Variants in ASTN2 observed in about 807,000 individuals in gnomAD.
The protein encoded by ASTN2 is astrotactin-2.
In ASTN2, 54 loss-of-function variants were observed where a neutral mutation model predicts 139.8. The ratio of observed to expected loss-of-function variants is 0.39; its 90% CI spans 0.31 to 0.48. The LOEUF is 0.48. Among genes scored for constraint, ASTN2 ranks in the 20% least tolerant of loss-of-function variants. The pLI is 0.95. For missense variants in ASTN2, 1,565 were observed against 1,725.1 expected (o/e 0.91, Z 1.64); for synonymous variants, 756 against 719.5 (o/e 1.05, Z -0.81).
intron 1 of ASTN2, among the ~76,000 whole-genome samples, chr9:117,325,173 C>T (rs1397201256): frequency 1.3e-5 from 2 of 152,148 alleles, no homozygotes; most frequent in African/African-American, 2.4e-5. Flanking sequence ...AGACTTTTCA[C>T]CCTGAGCCCT....
intron 13 of ASTN2, among the ~76,000 whole-genome samples, chr9:116,803,506 A>G (rs1588306094): frequency 1.3e-4 from 1 of 7,908 alleles, no homozygotes; most frequent in Admixed American, 2.3e-3. Context: ...ATATATATAT[A>G]TATATATATA....
chr9:116,442,796 T>C (rs1040131305), intron 20 of ASTN2, among the ~76,000 whole-genome samples: 4 of 152,246 alleles, frequency 2.6e-5, no homozygotes, highest in Non-Finnish European at 5.9e-5. Flanking sequence ...TTAGATTGTG[T>C]ATCTTTCCAC....
At chr9:116,511,872 C>T (rs141682213) in intron 19 of ASTN2, among the ~76,000 whole-genome samples, 4,550 of 151,922 alleles carry the variant, frequency 0.03, 104 homozygotes, top group Non-Finnish European at 0.046. Context: ...TTTTTTATTG[C>T]GTCTATTTGA....
chr9:116,640,361 A>G (rs2131890583), intron 17 of ASTN2, among the ~76,000 whole-genome samples: 1 of 152,346 alleles, frequency 6.6e-6, no homozygotes, highest in East Asian at 1.9e-4. Context: ...TCAAAAAATA[A>G]AAGTATAATT....
intron 20 of ASTN2, among the ~76,000 whole-genome samples, chr9:116,449,327 G>T (rs2118912857): frequency 6.6e-6 from 1 of 152,268 alleles, no homozygotes; most frequent in African/African-American, 2.4e-5. Flanking sequence ...GATCATTTGA[G>T]CCTGGGAGAT....
At chr9:116,887,423 A>T (rs1237731891) in intron 10 of ASTN2, among the ~76,000 whole-genome samples, 1 of 151,606 alleles carries the variant, frequency 6.6e-6, no homozygotes, top group Admixed American at 6.6e-5. Flanking sequence ...CAGAGGGAGA[A>T]AGGGAATTCT....
At chr9:117,125,771 C>T (rs1829670395) in intron 4 of ASTN2, among the ~76,000 whole-genome samples, 1 of 151,352 alleles carries the variant, frequency 6.6e-6, no homozygotes, top group Non-Finnish European at 1.5e-5. Context: ...ATCAGCAGAA[C>T]TGTCAGGCGG....
chr9:117,249,078 C>A (rs1183730111), intron 2 of ASTN2, among the ~76,000 whole-genome samples: 1 of 152,204 alleles, frequency 6.6e-6, no homozygotes, highest in East Asian at 1.9e-4. Flanking sequence ...AACACCTGTT[C>A]TCCTGAGCAA....
chr9:116,987,456 A>ACT (rs1171801771), intron 7 of ASTN2, among the ~76,000 whole-genome samples: 1 of 150,372 alleles, frequency 6.7e-6, no homozygotes, highest in African/African-American at 2.5e-5. Context: ...GGCCCCCTTC[A>ACT]CTCTCTCTCT....
intron 19 of ASTN2, among the ~76,000 whole-genome samples, chr9:116,574,840 T>C (rs538674882): frequency 7.2e-5 from 11 of 152,212 alleles, no homozygotes; most frequent in Non-Finnish European, 1.3e-4. Context: ...GTTATTCCTT[T>C]GCACATTAAA....
Position 116,620,219 on chromosome 9 carries a change from A to T in ASTN2, c.3206+91T>A, listed in dbSNP as rs534371270. 3.4e-5 allele frequency: 53 copies of T among 1,581,540 alleles called. No individual in the cohort carries two copies. The South Asian group carries it at 5.9e-4, about 18-fold the overall frequency. On this transcript the variant is annotated intron_variant, in intron 18 of 22. Coordinates refer to ENST00000313400, the MANE Select transcript of ASTN2 (RefSeq NM_001365068.1). ...TGAGGATCTTGTTAGGCACCTTGGG[A>T]GCAGAAGCAAGTCATGGCATGGGCT...
At chr9:116,801,602 A>G (rs1830858725) in intron 13 of ASTN2, among the ~76,000 whole-genome samples, 2 of 149,552 alleles carry the variant, frequency 1.3e-5, no homozygotes, top group African/African-American at 4.9e-5. Flanking sequence ...AAAAAAAAAA[A>G]AAAAAAAAAA....
chr9:117,403,480 G>T (rs1382750440), intron 1 of ASTN2, among the ~76,000 whole-genome samples: 2 of 152,110 alleles, frequency 1.3e-5, no homozygotes, highest in African/African-American at 4.8e-5. Flanking sequence ...CTAATTTGGT[G>T]CTATCTCCCA....
intron 17 of ASTN2, among the ~76,000 whole-genome samples, chr9:116,622,822 C>T (rs1489294809): frequency 1.3e-5 from 2 of 152,230 alleles, no homozygotes; most frequent in African/African-American, 4.8e-5. Flanking sequence ...AGTAAGAGCA[C>T]TGTTCCTCCT....
intron 4 of ASTN2, among the ~76,000 whole-genome samples, chr9:117,119,465 C>G (rs377248786): frequency 1.3e-5 from 2 of 152,088 alleles, no homozygotes; most frequent in Admixed American, 6.6e-5. Context: ...TAGGGTGTGG[C>G]CTCCTGATGT....
intron 17 of ASTN2, among the ~76,000 whole-genome samples, chr9:116,641,838 C>T (rs1167067744): frequency 6.6e-6 from 1 of 152,026 alleles, no homozygotes; most frequent in Non-Finnish European, 1.5e-5. Context: ...TGGATTACTT[C>T]TCCCTCTTTT....
At chr9:117,183,736 C>CT (rs972408518) in intron 3 of ASTN2, among the ~76,000 whole-genome samples, 58 of 152,210 alleles carry the variant, frequency 3.8e-4, no homozygotes, top group Admixed American at 3.5e-3. Flanking sequence ...TGGTTGAAGA[C>CT]TTTGTCTTCC....
chr9:117,288,268 C>T (rs1834498281), intron 2 of ASTN2, among the ~76,000 whole-genome samples: 1 of 152,154 alleles, frequency 6.6e-6, no homozygotes, highest in Non-Finnish European at 1.5e-5. Context: ...CTAGCCTTCA[C>T]AAGCCTACAA....
At chr9:116,937,812 C>T (rs540868616) in intron 10 of ASTN2, among the ~76,000 whole-genome samples, 14 of 152,128 alleles carry the variant, frequency 9.2e-5, no homozygotes, top group Non-Finnish European at 1.2e-4. Flanking sequence ...TACTGAATTG[C>T]CAAGCAACAT....
Sources: allele counts gnomAD v4.1 joint callset (sites outside exome capture counted in the v4.1 genomes callset), GRCh38; gene constraint gnomAD v4.1.1; transcripts MANE v1.5; gene names NCBI Gene and HGNC (gene_info 2026-07-23, HGNC 2026-07-21).